The following PRKAG2 variants were observed in gnomAD, a reference collection of about 807,000 sequenced individuals.
PRKAG2 encodes 5'-AMP-activated protein kinase subunit gamma-2.
In PRKAG2, 26 loss-of-function variants were observed where a neutral mutation model predicts 69.6. The observed-to-expected ratio is 0.37, with a 90% confidence interval of 0.27 to 0.52. The LOEUF (loss-of-function observed/expected upper bound fraction) is 0.52, where lower values mean the gene tolerates loss of function less well. Among genes scored for constraint, PRKAG2 ranks in the 20% least tolerant of loss-of-function variants. PRKAG2 has a pLI of 0.90. For synonymous variants in PRKAG2, 293 were observed against 285.0 expected, an observed-to-expected ratio of 1.03 and a Z score of -0.28; for missense variants, 557 against 740.0, an observed-to-expected ratio of 0.75 and a Z score of 2.87.
chr7:151,636,043 G>A (rs1825685573), intron 4 of PRKAG2, among the ~76,000 whole-genome samples: 1 of 150,944 alleles, frequency 6.6e-6, no homozygotes, highest in Admixed American at 6.6e-5. Flanking sequence ...AGTAGAGACT[G>A]GGTTTCACCG....
intron 1 of PRKAG2, among the ~76,000 whole-genome samples, chr7:151,812,233 G>A (rs2078457932): frequency 6.6e-6 from 1 of 152,148 alleles, no homozygotes; most frequent in Admixed American, 6.5e-5. Flanking sequence ...ACAAAGTAAT[G>A]CATAAAACAA....
chr7:151,598,212 G>A (rs1448464382), intron 5 of PRKAG2, among the ~76,000 whole-genome samples: 1 of 152,130 alleles, frequency 6.6e-6, no homozygotes, highest in Non-Finnish European at 1.5e-5. Flanking sequence ...GGCGTGGAAA[G>A]ACAAATACCA....
intron 6 of PRKAG2, among the ~76,000 whole-genome samples, chr7:151,577,553 C>A (rs1449205852): frequency 2.0e-5 from 3 of 152,188 alleles, no homozygotes; most frequent in African/African-American, 7.2e-5. Flanking sequence ...TGGCACCAAA[C>A]ACTGAGAAAA....
intron 3 of PRKAG2, among the ~76,000 whole-genome samples, chr7:151,677,635 GC>G (rs1833150438): frequency 1.3e-5 from 2 of 152,322 alleles, no homozygotes; most frequent in South Asian, 4.1e-4. Flanking sequence ...TTTAAGTTTG[GC>G]CTAAAGGGTT....
intron 4 of PRKAG2, among the ~76,000 whole-genome samples, chr7:151,650,639 A>T (rs146708581): frequency 6.6e-6 from 1 of 152,294 alleles, no homozygotes; most frequent in East Asian, 1.9e-4. Context: ...CTAAGGCGTC[A>T]TTTGCTTTTT....
chr7:151,569,951 A>G (rs1041940264), intron 10 of PRKAG2, among the ~76,000 whole-genome samples: 3 of 152,192 alleles, frequency 2.0e-5, no homozygotes, highest in Non-Finnish European at 4.4e-5. Flanking sequence ...ATGGTTTAGT[A>G]TGACCCTATT....
intron 3 of PRKAG2, among the ~76,000 whole-genome samples, chr7:151,689,060 A>G (rs1281875314): frequency 6.6e-6 from 1 of 152,254 alleles, no homozygotes; most frequent in African/African-American, 2.4e-5. Flanking sequence ...TGTGATAACC[A>G]AATCAAGATC....
At chr7:151,597,828 C>CG (rs1037680094) in intron 5 of PRKAG2, among the ~76,000 whole-genome samples, 7 of 149,664 alleles carry the variant, frequency 4.7e-5, no homozygotes, top group Non-Finnish European at 1.0e-4. Context: ...GAGCCCCCCC[C>CG]CCCGCTCTTT....
intron 1 of PRKAG2, among the ~76,000 whole-genome samples, chr7:151,790,942 C>T (rs745925257): frequency 8.5e-5 from 13 of 152,362 alleles, no homozygotes; most frequent in Admixed American, 7.2e-4. Flanking sequence ...TCAGGCTGCC[C>T]GTGGACCCCA....
Position 151,732,464 on chromosome 7 carries a change from T to C in PRKAG2, c.466+48688A>G, listed in dbSNP as rs7810345. On this transcript the variant is annotated intron_variant, in intron 3 of 15. Coordinates refer to ENST00000287878, the MANE Select transcript of PRKAG2 (RefSeq NM_016203.4). ...CTGAGATTCTATCTCCGGGAATAACTGTATGAAGGAGAGGGCGTTGCTGAG... is the reference window on the plus strand; with the variant it reads ...CTGAGATTCTATCTCCGGGAATAACCGTATGAAGGAGAGGGCGTTGCTGAG... Among the ~76,000 whole-genome samples, 794 of 152,136 alleles carry C rather than the reference T, an allele frequency of 5.2e-3. 11 individuals are homozygous for C. The highest frequency in any genetic ancestry group is 0.017 in the African/African-American group (716 of 41,508).
intron 5 of PRKAG2, among the ~76,000 whole-genome samples, chr7:151,605,853 G>A (rs983731219): frequency 1.3e-5 from 2 of 150,660 alleles, no homozygotes; most frequent in African/African-American, 2.5e-5. Flanking sequence ...CAGAAGAATC[G>A]CTTGAACCCT....
In PRKAG2 at chr7:151,836,281, C is replaced by A. The variant is rs758708923; in HGVS notation, c.114+40226G>T. Among the ~76,000 whole-genome samples, 1 of 152,190 alleles carries A rather than the reference C, an allele frequency of 6.6e-6. No homozygotes were observed. Among genetic ancestry groups the A allele is most frequent in the Non-Finnish European group, 1.5e-5 (1 of 68,034 alleles). On this transcript the variant is annotated intron_variant, in intron 1 of 15. Coordinates refer to ENST00000287878, the MANE Select transcript of PRKAG2 (RefSeq NM_016203.4). The surrounding 1 kb of genome is among the most constrained non-coding windows in gnomAD (Gnocchi z 4.1). ...AGGACCCCCTTTCTGCCACCCCCAG[C>A]ACCAGCCCGAGACAGACTGTGGTCT...
At chr7:151,612,222 C>T (rs1819041442) in intron 5 of PRKAG2, among the ~76,000 whole-genome samples, 1 of 152,180 alleles carries the variant, frequency 6.6e-6, no homozygotes, top group South Asian at 2.1e-4. Flanking sequence ...GATGCCCATC[C>T]TCTGCTGAAC....
At chr7:151,854,607 G>T (rs1269257505) in intron 1 of PRKAG2, among the ~76,000 whole-genome samples, 2 of 152,242 alleles carry the variant, frequency 1.3e-5, no homozygotes, top group East Asian at 3.8e-4. Context: ...AATGGCTACG[G>T]ACAGCACTGC....
intron 1 of PRKAG2, among the ~76,000 whole-genome samples, chr7:151,852,012 C>CG (rs1324333396): frequency 5.3e-5 from 8 of 152,200 alleles, no homozygotes; most frequent in African/African-American, 1.9e-4. Context: ...TCTCGCCTGT[C>CG]CCGTGCCTGC....
At chr7:151,799,705 C>T (rs2077733649) in intron 1 of PRKAG2, among the ~76,000 whole-genome samples, 1 of 152,230 alleles carries the variant, frequency 6.6e-6, no homozygotes, top group Non-Finnish European at 1.5e-5. Context: ...CCAGATGCCA[C>T]CGGCCAGCAT....
At chr7:151,566,480 G>T (rs372368434) in intron 11 of PRKAG2, 78 of 354,188 alleles carry the variant, frequency 2.2e-4, no homozygotes, top group African/African-American at 1.6e-3. Context: ...CTTTTCATGG[G>T]CTGTTTTAAA....
rs575236271 is a variant in PRKAG2 at position 151,836,999 on chromosome 7, A to G, written c.114+39508T>C. Among the ~76,000 whole-genome samples the G allele has an allele frequency of 6.6e-6, 1 of 151,810 alleles. No homozygotes were observed. The highest frequency in any genetic ancestry group is 2.1e-4 in the South Asian group (1 of 4,812). On this transcript the variant is annotated intron_variant, in intron 1 of 15. Transcript: ENST00000287878. This position sits in a 1 kb window ranked among gnomAD's most constrained non-coding sequence, Gnocchi z 4.1. ...ATTTGAGGCTATTTGTTTAAATTCAACTTGAACCCCGGTTACCTCCAGCTC... is the reference window on the plus strand; with the variant it reads ...ATTTGAGGCTATTTGTTTAAATTCAGCTTGAACCCCGGTTACCTCCAGCTC...
Position 151,632,962 on chromosome 7 carries a change from T to C in PRKAG2, c.685-824A>G, listed in dbSNP as rs1825053056. 1 of 152,142 alleles carries C rather than the reference T, an allele frequency of 6.6e-6. No homozygotes were observed. The highest frequency in any genetic ancestry group is 2.4e-5 in the African/African-American group (1 of 41,430). 9.4% of individuals were successfully genotyped at this position (152,142 alleles called of 1,614,324 possible). A position where few individuals can be genotyped will look rare whatever the true frequency, so the allele number is the denominator to read the frequency against. On this transcript the variant is annotated intron_variant, in intron 4 of 15. Transcript: ENST00000287878. The surrounding 1 kb of genome is among the most constrained non-coding windows in gnomAD (Gnocchi z 4.2). ...TATCTGAGACTCTACTATGGCCAAC[T>C]CAGGTTGGCAGGCTGCGCGGCCAGC...
Sources: allele counts gnomAD v4.1 joint callset (sites outside exome capture counted in the v4.1 genomes callset), GRCh38; gene constraint gnomAD v4.1.1; non-coding constraint Gnocchi (gnomAD v3.1); transcripts MANE v1.5; gene names NCBI Gene and HGNC (gene_info 2026-07-23, HGNC 2026-07-21).